Variants in SNX24 observed in about 807,000 individuals in gnomAD.
SNX24 encodes the protein sorting nexin 24.
SNX24 carries 22 observed loss-of-function variants against 28.7 expected under a neutral mutation model. The ratio of observed to expected loss-of-function variants is 0.77; its 90% CI spans 0.55 to 1.10. The LOEUF (loss-of-function observed/expected upper bound fraction) is 1.10, where lower values mean the gene tolerates loss of function less well. Ranked by LOEUF, SNX24 falls within the 50% of genes least tolerant of loss-of-function variation. The pLI is 0.00. For missense variants in SNX24, 221 were observed against 201.1 expected (o/e 1.10, Z -0.60); for synonymous variants, 69 against 71.5 (o/e 0.96, Z 0.18).
chr5:122,915,055 A>AG (rs1758100533), intron 1 of SNX24, among the ~76,000 whole-genome samples: 1 of 152,172 alleles, frequency 6.6e-6, no homozygotes, highest in South Asian at 2.1e-4. Flanking sequence ...TTCAGATTTC[A>AG]GGGTTTTTTT....
intron 3 of SNX24, among the ~76,000 whole-genome samples, chr5:122,948,275 T>C (rs1581785411): frequency 6.6e-6 from 1 of 152,192 alleles, no homozygotes; most frequent in East Asian, 1.9e-4. Context: ...ACAGCATTAC[T>C]GTTTCTTCTG....
chr5:122,895,831 C>G (rs2150074703), intron 1 of SNX24, among the ~76,000 whole-genome samples: 1 of 152,034 alleles, frequency 6.6e-6, no homozygotes, highest in South Asian at 2.1e-4. Context: ...AACAAAAATG[C>G]AGCAGTACAG....
chr5:123,013,841 G>T (rs1762635879), downstream of SNX24, among the ~76,000 whole-genome samples: 3 of 152,082 alleles, frequency 2.0e-5, no homozygotes, highest in Non-Finnish European at 4.4e-5. Context: ...TTGGACTAGG[G>T]TTTTGCATAT....
At chr5:123,001,277 A>G (rs1762234970) in intron 4 of SNX24, 128 bp from the exon 5 acceptor site, 1 of 685,610 alleles carries the variant, frequency 1.5e-6, no homozygotes, top group Non-Finnish European at 2.6e-6. Flanking sequence ...GTGGAAACTC[A>G]CAGCTCTTTT....
intron 1 of SNX24, among the ~76,000 whole-genome samples, chr5:122,873,033 C>T (rs888312477): frequency 6.6e-6 from 1 of 152,156 alleles, no homozygotes; most frequent in Admixed American, 6.5e-5. Flanking sequence ...GTGGTGCGAT[C>T]ATAGCTCACT....
chr5:122,868,430 A>G (rs1007677278), intron 1 of SNX24, among the ~76,000 whole-genome samples: 57 of 152,150 alleles, frequency 3.7e-4, no homozygotes, highest in Non-Finnish European at 7.2e-4. Flanking sequence ...CTGTTTCTCA[A>G]AAGTAGAGTG....
At chr5:122,857,575 A>G (rs1005451118) in intron 1 of SNX24, among the ~76,000 whole-genome samples, 1 of 151,962 alleles carries the variant, frequency 6.6e-6, no homozygotes, top group Admixed American at 6.6e-5. Flanking sequence ...TTCACCCTCC[A>G]GTAGGCCCCA....
intron 3 of SNX24, chr5:122,965,434 C>T (rs541304645): frequency 2.2e-6 from 1 of 454,846 alleles, no homozygotes; most frequent in South Asian, 1.6e-5. Context: ...TGTTTTGTTC[C>T]CTCCCAAGAG....
rs182255999 is a variant in SNX24, at chr5:122,891,542, T to G, written c.61-45192T>G. 4.9e-3 allele frequency among the ~76,000 whole-genome samples: 748 copies of G among 152,338 alleles called. 1 individual carries two copies. Among genetic ancestry groups the G allele is most frequent in the Middle Eastern group, 6.8e-3 (2 of 294 alleles). On this transcript the variant is annotated intron_variant, in intron 1 of 6. Transcript: ENST00000261369. ...TTTTAAAGTAAATTGCAATTTTTTA[T>G]AAGTATTATAAGTCTTACATATTAC... is the stretch of plus-strand genomic sequence containing the variant.
At chr5:122,870,521 C>G (rs1443882562) in intron 1 of SNX24, among the ~76,000 whole-genome samples, 1 of 152,150 alleles carries the variant, frequency 6.6e-6, no homozygotes, top group African/African-American at 2.4e-5. Flanking sequence ...GTATTCAGAA[C>G]AGCATATTGT....
At chr5:122,889,450 C>T (rs903387647) in intron 1 of SNX24, among the ~76,000 whole-genome samples, 2 of 151,762 alleles carry the variant, frequency 1.3e-5, no homozygotes, top group Non-Finnish European at 2.9e-5. Context: ...TCAAAGGAAA[C>T]GCTCATTGAA....
intron 1 of SNX24, among the ~76,000 whole-genome samples, chr5:122,899,358 A>G (rs1757333774): frequency 1.3e-5 from 2 of 152,214 alleles, no homozygotes; most frequent in Non-Finnish European, 2.9e-5. Context: ...TTTGCACCAG[A>G]AAAAATTAGT....
intron 1 of SNX24, among the ~76,000 whole-genome samples, chr5:122,856,260 A>G (rs913982899): frequency 3.9e-5 from 6 of 152,122 alleles, no homozygotes; most frequent in African/African-American, 9.7e-5. Flanking sequence ...TTGTTAGGTT[A>G]ATGGCCCCCA....
intron 1 of SNX24, among the ~76,000 whole-genome samples, chr5:122,881,572 A>T (rs1000180552): frequency 1.3e-5 from 2 of 152,140 alleles, no homozygotes; most frequent in Non-Finnish European, 2.9e-5. Flanking sequence ...ATCTGTGTTG[A>T]TATTCTGTCT....
At chr5:123,001,693 A>C (rs1263694568) in intron 5 of SNX24, among the ~76,000 whole-genome samples, 1 of 152,236 alleles carries the variant, frequency 6.6e-6, no homozygotes, top group Non-Finnish European at 1.5e-5. Context: ...TTAGGAAATC[A>C]CGTTTCAGCA....
intron 1 of SNX24, among the ~76,000 whole-genome samples, chr5:122,879,305 A>G (rs1207448335): frequency 6.6e-6 from 1 of 152,218 alleles, no homozygotes. Flanking sequence ...AAGGGGTCCA[A>G]CTTTCAGCAA....
chr5:123,004,963 C>T (rs1762374983), intron 6 of SNX24, among the ~76,000 whole-genome samples: 1 of 152,176 alleles, frequency 6.6e-6, no homozygotes, highest in South Asian at 2.1e-4. Flanking sequence ...CATCACCTCT[C>T]AATGAGAATC....
chr5:122,981,937 A>G (rs1435609107), intron 3 of SNX24, among the ~76,000 whole-genome samples: 1 of 152,246 alleles, frequency 6.6e-6, no homozygotes, highest in Non-Finnish European at 1.5e-5. Flanking sequence ...TTATGGCTAT[A>G]TCTTAAAATG....
intron 5 of SNX24, chr5:123,023,531 A>T: frequency 6.2e-6 from 1 of 162,332 alleles, no homozygotes; most frequent in Non-Finnish European, 1.4e-5. Context: ...CATCTGTTTC[A>T]GATAAATGTT....
Sources: gnomAD v4.1 joint callset for allele counts (sites outside exome capture counted in the v4.1 genomes callset) on GRCh38, gnomAD v4.1.1 for gene constraint, MANE v1.5 for transcripts, NCBI Gene and HGNC (gene_info 2026-07-23, HGNC 2026-07-21) for gene names.